The following PCDH15 variants were observed in gnomAD, a reference collection of about 807,000 sequenced individuals.
The protein encoded by PCDH15 is protocadherin related 15.
A neutral mutation model predicts 178.5 loss-of-function variants in PCDH15; 129 were observed. The observed-to-expected ratio is 0.72, with a 90% confidence interval of 0.63 to 0.84. The LOEUF is 0.84. PCDH15 is among the 40% of genes least tolerant of loss of function. PCDH15 has a pLI of 0.00. For missense variants in PCDH15, 2,230 were observed against 2,099.9 expected, an observed-to-expected ratio of 1.06 and a Z score of -1.21; for synonymous variants, 800 against 732.0, an observed-to-expected ratio of 1.09 and a Z score of -1.50.
At chr10:54,401,475 G>A (rs1170425688) in intron 3 of PCDH15, among the ~76,000 whole-genome samples, 1 of 151,852 alleles carries the variant, frequency 6.6e-6, no homozygotes, top group African/African-American at 2.4e-5. Flanking sequence ...TATTCTAAGA[G>A]CAAAGAGAAA....
intron 21 of PCDH15, among the ~76,000 whole-genome samples, chr10:53,973,203 A>C (rs901646156): frequency 6.7e-6 from 1 of 149,172 alleles, no homozygotes; most frequent in Non-Finnish European, 1.5e-5. Context: ...AGATAACCAA[A>C]CACCACATGT....
intron 2 of PCDH15, among the ~76,000 whole-genome samples, chr10:55,602,373 G>C (rs1366601256): frequency 1.3e-5 from 2 of 152,116 alleles, no homozygotes; most frequent in African/African-American, 4.8e-5. Context: ...GCTCGAACTG[G>C]GTGGAGCCCA....
At chr10:55,546,650 G>A (rs759793306) in intron 2 of PCDH15, among the ~76,000 whole-genome samples, 6 of 152,100 alleles carry the variant, frequency 3.9e-5, no homozygotes, top group East Asian at 1.9e-4. Flanking sequence ...TTAGGATACC[G>A]GCAAGCTTCC....
At chr10:55,260,329 G>A (rs1842116377) in intron 1 of PCDH15, among the ~76,000 whole-genome samples, 1 of 152,032 alleles carries the variant, frequency 6.6e-6, no homozygotes, top group South Asian at 2.1e-4. Context: ...AGCAAATATA[G>A]AGGAGGAAAG....
intron 12 of PCDH15, 91 bp from the exon 13 acceptor site, chr10:54,183,684 G>C (rs1291458473): frequency 1.4e-6 from 2 of 1,467,890 alleles, no homozygotes; most frequent in African/African-American, 2.8e-5. Context: ...GTTTCTTACA[G>C]GTAATCTTAC....
chr10:54,198,863 C>T lies in PCDH15; in HGVS notation c.1099-2974G>A, dbSNP rs147767921. 9.7e-4 allele frequency among the ~76,000 whole-genome samples: 147 copies of T among 152,042 alleles called. 1 individual carries two copies. The highest frequency in any genetic ancestry group is 3.1e-3 in the African/African-American group (127 of 41,470). ...AATTCTACAACTTTTCCTCTTTCCC[C>T]GATGAACACACCCAAACACACACAA... On this transcript the variant is annotated intron_variant, in intron 10 of 37. Transcript: ENST00000644397.
chr10:55,200,808 C>A (rs1369443117), intron 1 of PCDH15, among the ~76,000 whole-genome samples: 1 of 152,056 alleles, frequency 6.6e-6, no homozygotes, highest in East Asian at 1.9e-4. Flanking sequence ...GTGCTCTCCA[C>A]TTCACTCTCT....
At chr10:54,767,438 A>T (rs1948640918) in intron 1 of PCDH15, among the ~76,000 whole-genome samples, 1 of 152,134 alleles carries the variant, frequency 6.6e-6, no homozygotes, top group Admixed American at 6.5e-5. Context: ...AAGAATTCCA[A>T]TTAAATTACA....
chr10:54,037,590 T>C lies in PCDH15; in HGVS notation c.2221-14393A>G, dbSNP rs905849964. ...ATGGAGTATACTTAATGGAGTATAG[T>C]ATAGTGTAAAAATAATATTTATATG... On this transcript the variant is annotated intron_variant, in intron 18 of 37. Transcript: ENST00000644397. Among the ~76,000 whole-genome samples, 9 of 152,062 alleles carry C rather than the reference T, an allele frequency of 5.9e-5. No homozygotes were observed. The East Asian group carries it at 1.7e-3, about 29-fold the overall frequency.
intron 2 of PCDH15, among the ~76,000 whole-genome samples, chr10:55,350,833 A>T (rs1844909022): frequency 6.6e-6 from 1 of 152,108 alleles, no homozygotes; most frequent in South Asian, 2.1e-4. Flanking sequence ...AACATGGGAA[A>T]TTCTCACACA....
intron 1 of PCDH15, among the ~76,000 whole-genome samples, chr10:55,225,423 A>C (rs556086227): frequency 6.6e-6 from 1 of 152,232 alleles, no homozygotes; most frequent in South Asian, 2.1e-4. Context: ...AGAGCAGATA[A>C]GAGTTGTCAA....
intron 1 of PCDH15, among the ~76,000 whole-genome samples, chr10:55,177,807 G>T (rs181230769): frequency 1.1e-4 from 17 of 152,266 alleles, no homozygotes; most frequent in Admixed American, 1.1e-3. Flanking sequence ...AATCTATGCA[G>T]CCAGAGAGAA....
rs566475733 is a variant in PCDH15, at chr10:54,347,109, C to A, written c.475-625G>T. On this transcript the variant is annotated intron_variant, in intron 5 of 37. Coordinates refer to ENST00000644397, the MANE Select transcript of PCDH15 (RefSeq NM_001384140.1). ...AACTTAATATGTGTGGCATACAAAA[C>A]CATGATTTGATGTGTGACCTAAATT... is the stretch of plus-strand genomic sequence containing the variant. Among the ~76,000 whole-genome samples the A allele has an allele frequency of 2.6e-5, 4 of 152,214 alleles. No homozygotes were observed. In the East Asian group the frequency reaches 7.7e-4, roughly 29 times the overall value.
At chr10:55,425,656 T>TCA (rs145398693) in intron 2 of PCDH15, among the ~76,000 whole-genome samples, 6,179 of 96,396 alleles carry the variant, frequency 0.064, 224 homozygotes, top group African/African-American at 0.19. Flanking sequence ...TACTAGCTTT[T>TCA]CACACACACA....
At chr10:54,766,759 C>T (rs1948556218) in intron 1 of PCDH15, among the ~76,000 whole-genome samples, 1 of 151,804 alleles carries the variant, frequency 6.6e-6, no homozygotes, top group Admixed American at 6.6e-5. Context: ...GAAACCCCAT[C>T]TCTACTAAAA....
intron 2 of PCDH15, among the ~76,000 whole-genome samples, chr10:55,594,192 T>C (rs1406455454): frequency 6.6e-6 from 1 of 151,928 alleles, no homozygotes; most frequent in Non-Finnish European, 1.5e-5. Flanking sequence ...GTTTTAACCA[T>C]TCTTTTTACA....
intron 2 of PCDH15, among the ~76,000 whole-genome samples, chr10:54,944,305 A>T (rs1190332660): frequency 6.6e-6 from 1 of 151,934 alleles, no homozygotes; most frequent in Non-Finnish European, 1.5e-5. Context: ...ATGTGTTCCT[A>T]TGTGTCTTGT....
At chr10:54,682,520 T>C (rs931300210) in intron 1 of PCDH15, among the ~76,000 whole-genome samples, 3 of 152,176 alleles carry the variant, frequency 2.0e-5, no homozygotes, top group East Asian at 1.9e-4. Context: ...ACGAACAATA[T>C]GATTTTTTAA....
chr10:55,263,895 C>T (rs1842213701), intron 1 of PCDH15, among the ~76,000 whole-genome samples: 1 of 151,900 alleles, frequency 6.6e-6, no homozygotes, highest in African/African-American at 2.4e-5. Context: ...CCACCACGCC[C>T]GGCTAATTTT....
Sources: allele counts gnomAD v4.1 joint callset (sites outside exome capture counted in the v4.1 genomes callset), GRCh38; gene constraint gnomAD v4.1.1; transcripts MANE v1.5; gene names NCBI Gene and HGNC (gene_info 2026-07-23, HGNC 2026-07-21).